Variants in FAM135B observed in about 807,000 individuals in gnomAD.
FAM135B encodes protein FAM135B.
Under a neutral mutation model 127.7 loss-of-function variants are expected in FAM135B, and 43 were observed. The ratio of observed to expected loss-of-function variants is 0.34; its 90% CI spans 0.26 to 0.43. FAM135B has a LOEUF of 0.43. FAM135B is among the 20% of genes least tolerant of loss of function. The pLI, the probability that FAM135B is intolerant of heterozygous loss-of-function variation, is 1.00. For missense variants in FAM135B, 1,558 were observed against 1,725.6 expected, an observed-to-expected ratio of 0.90 and a Z score of 1.72; for synonymous variants, 670 against 665.1, an observed-to-expected ratio of 1.01 and a Z score of -0.11.
chr8:138,307,991 C>T (rs999091329), intron 3 of FAM135B, among the ~76,000 whole-genome samples: 3 of 152,246 alleles, frequency 2.0e-5, no homozygotes, highest in Non-Finnish European at 4.4e-5. Context: ...AGTTTCCTCC[C>T]ATCACTGTAC....
chr8:138,393,977 T>C (rs1358955220), intron 1 of FAM135B, among the ~76,000 whole-genome samples: 1 of 152,108 alleles, frequency 6.6e-6, no homozygotes, highest in East Asian at 1.9e-4. Flanking sequence ...TTGGGGGCAG[T>C]TGGGAACCAA....
At chr8:138,491,754 C>T (rs1292723015) in intron 1 of FAM135B, among the ~76,000 whole-genome samples, 1 of 152,142 alleles carries the variant, frequency 6.6e-6, no homozygotes, top group African/African-American at 2.4e-5. Context: ...AAGAGACTGT[C>T]ATTGTAGAAG....
At chr8:138,145,792 G>A (rs941928718) in intron 15 of FAM135B, among the ~76,000 whole-genome samples, 167 bp downstream of exon 15, 9 of 152,064 alleles carry the variant, frequency 5.9e-5, no homozygotes, top group South Asian at 2.1e-4. Flanking sequence ...TCTCCCTCCC[G>A]AAATAAAACA....
intron 2 of FAM135B, among the ~76,000 whole-genome samples, chr8:138,342,128 A>C (rs963175776): frequency 1.3e-5 from 2 of 152,182 alleles, no homozygotes; most frequent in African/African-American, 4.8e-5. Context: ...TATCCCCACA[A>C]AACACCATGA....
intron 1 of FAM135B, among the ~76,000 whole-genome samples, chr8:138,466,495 A>G (rs1331321398): frequency 6.6e-6 from 1 of 152,172 alleles, no homozygotes; most frequent in East Asian, 1.9e-4. Flanking sequence ...AGAACCTGAG[A>G]TTCAGAGTGG....
chr8:138,495,151 C>T (rs565564523), intron 1 of FAM135B, among the ~76,000 whole-genome samples: 7 of 152,306 alleles, frequency 4.6e-5, no homozygotes, highest in South Asian at 2.1e-4. Context: ...TTGCACAAGA[C>T]ATCAGGTTTT....
chr8:138,252,801 T>C (rs1027078778), intron 5 of FAM135B, among the ~76,000 whole-genome samples: 1 of 152,150 alleles, frequency 6.6e-6, no homozygotes, highest in Non-Finnish European at 1.5e-5. Context: ...GTTTCTGTTT[T>C]AGTTTTTGGA....
chr8:138,210,237 T>C (rs1818034864), intron 7 of FAM135B, among the ~76,000 whole-genome samples: 1 of 152,204 alleles, frequency 6.6e-6, no homozygotes, highest in Non-Finnish European at 1.5e-5. Context: ...TATGCTTTTC[T>C]GATTTTAATT....
chr8:138,351,339 G>A (rs1829770094), intron 2 of FAM135B, among the ~76,000 whole-genome samples: 1 of 152,144 alleles, frequency 6.6e-6, no homozygotes, highest in South Asian at 2.1e-4. Flanking sequence ...CCTTATAAAA[G>A]GGGAAGTTTG....
chr8:138,276,363 G>A (rs1823823776), intron 3 of FAM135B, among the ~76,000 whole-genome samples: 1 of 152,220 alleles, frequency 6.6e-6, no homozygotes, highest in African/African-American at 2.4e-5. Flanking sequence ...AAGGAGCACA[G>A]AGCTGTTTGC....
At chr8:138,229,174 G>T (rs969008172) in intron 7 of FAM135B, among the ~76,000 whole-genome samples, 5 of 152,024 alleles carry the variant, frequency 3.3e-5, no homozygotes, top group Non-Finnish European at 1.5e-5. Context: ...GTTTTATGAG[G>T]TTTACACCAT....
intron 11 of FAM135B, among the ~76,000 whole-genome samples, chr8:138,169,079 T>C: frequency 6.6e-6 from 1 of 152,170 alleles, no homozygotes; most frequent in East Asian, 1.9e-4. Flanking sequence ...GATAAATGTA[T>C]GGAAATATAT....
At chr8:138,305,994 AAGT>A (rs779175392) in intron 3 of FAM135B, among the ~76,000 whole-genome samples, 3 of 152,192 alleles carry the variant, frequency 2.0e-5, no homozygotes, top group Non-Finnish European at 4.4e-5. Flanking sequence ...AGAATAGTGA[AAGT>A]AGCATTCAAT....
At chr8:138,342,905 T>TGCATGCACAAATCCCATGGCCCCAGCTG (rs1563918447) in intron 2 of FAM135B, among the ~76,000 whole-genome samples, 1 of 152,160 alleles carries the variant, frequency 6.6e-6, no homozygotes, top group Admixed American at 6.5e-5. Context: ...CATCCAAACA[T>TGCATGCACAAATCCCATGGCCCCAGCTG]GCATGCACAA....
intron 12 of FAM135B, among the ~76,000 whole-genome samples, chr8:138,160,834 A>G (rs1309955772): frequency 1.3e-5 from 1 of 79,822 alleles, no homozygotes; most frequent in Non-Finnish European, 2.7e-5. Flanking sequence ...TTAAGTTTTA[A>G]CTTATCAAAG....
chr8:138,355,892 C>T (rs1030106024), intron 2 of FAM135B, among the ~76,000 whole-genome samples: 3 of 152,156 alleles, frequency 2.0e-5, no homozygotes. Context: ...TATGTTGAAA[C>T]CTAATGCCCT....
At chr8:138,219,926 C>T (rs936363611) in intron 7 of FAM135B, among the ~76,000 whole-genome samples, 55 of 152,146 alleles carry the variant, frequency 3.6e-4, no homozygotes, top group African/African-American at 1.0e-3. Context: ...TGACCTCCTG[C>T]CCTGGATTAT....
At chr8:138,196,457 T>C (rs1288012915) in intron 8 of FAM135B, among the ~76,000 whole-genome samples, 1 of 152,210 alleles carries the variant, frequency 6.6e-6, no homozygotes, top group Non-Finnish European at 1.5e-5. Context: ...TTACTCTACA[T>C]ACCGGAGAGA....
chr8:138,441,241 G>A (rs1835746116), intron 1 of FAM135B: 1 of 152,226 alleles, frequency 6.6e-6, no homozygotes, highest in Non-Finnish European at 1.5e-5. Flanking sequence ...CAGCTCTGAT[G>A]AGAGAACAAG....
Sources: allele counts gnomAD v4.1 joint callset (sites outside exome capture counted in the v4.1 genomes callset), GRCh38; gene constraint gnomAD v4.1.1; transcripts MANE v1.5; gene names NCBI Gene and HGNC (gene_info 2026-07-23, HGNC 2026-07-21).